The following GPC3 variants were observed in gnomAD, a reference collection of about 807,000 sequenced individuals.
GPC3 encodes the protein glypican-3.
A neutral mutation model predicts 34.4 loss-of-function variants in GPC3; 3 were observed. That is an observed-to-expected ratio of 0.09 (90% confidence interval 0.04 to 0.23). The LOEUF (loss-of-function observed/expected upper bound fraction) is 0.23. Ranked by LOEUF, GPC3 falls within the 10% of genes least tolerant of loss-of-function variation. The pLI is 1.00. For missense variants in GPC3, 351 were observed against 445.6 expected (o/e 0.79, Z 1.91); for synonymous variants, 177 against 174.0 (o/e 1.02, Z -0.13).
At chrX:133,551,196 G>A (rs2069430558) in intron 7 of GPC3, among the ~76,000 whole-genome samples, 1 of 104,924 alleles carries the variant, frequency 9.5e-6, no homozygotes, top group Non-Finnish European at 2.0e-5. Flanking sequence ...CAAGTGCAGG[G>A]ACTGCTGGTG....
At chrX:133,870,378 T>G (rs901306788) in intron 2 of GPC3, among the ~76,000 whole-genome samples, 1 of 111,908 alleles carries the variant, frequency 8.9e-6, no homozygotes, top group Non-Finnish European at 1.9e-5. Flanking sequence ...CAACTGTTAC[T>G]GGAGAAAGTA....
intron 3 of GPC3, among the ~76,000 whole-genome samples, chrX:133,700,970 A>G (rs2071162557): frequency 8.9e-6 from 1 of 111,764 alleles, no homozygotes; most frequent in Non-Finnish European, 1.9e-5. Flanking sequence ...TTAAAAACAT[A>G]GGTGCTCAAC....
At chrX:133,563,428 T>A (rs1394269926) in intron 7 of GPC3, among the ~76,000 whole-genome samples, 1 of 112,095 alleles carries the variant, frequency 8.9e-6, no homozygotes, top group Non-Finnish European at 1.9e-5. Flanking sequence ...TGTGTCAAGA[T>A]AGTTATACTG....
intron 2 of GPC3, among the ~76,000 whole-genome samples, chrX:133,756,871 T>TA (rs1168014239): frequency 8.9e-6 from 1 of 112,145 alleles, no homozygotes; most frequent in Non-Finnish European, 1.9e-5. Flanking sequence ...AACCAAGCCA[T>TA]AACTGGTCAA....
intron 4 of GPC3, among the ~76,000 whole-genome samples, chrX:133,695,947 T>C (rs779030457): frequency 8.5e-4 from 95 of 111,965 alleles, no homozygotes; most frequent in African/African-American, 3.0e-3. Flanking sequence ...TAGTGTGTAT[T>C]ATCTCCATTA....
chrX:133,950,796 G>C (rs1193871123), intron 2 of GPC3, among the ~76,000 whole-genome samples: 2 of 111,354 alleles, frequency 1.8e-5, no homozygotes, highest in Non-Finnish European at 3.8e-5. Context: ...AAGGATTTAG[G>C]GGCAATGTCT....
intron 4 of GPC3, 149 bp from the exon 5 acceptor site, chrX:133,692,643 C>T (rs2071075955): frequency 2.0e-6 from 1 of 499,490 alleles, no homozygotes; most frequent in African/African-American, 2.4e-5. Context: ...TACAAGGCCA[C>T]AGTTTAGTTT....
intron 2 of GPC3, among the ~76,000 whole-genome samples, chrX:133,911,950 G>A (rs2076202288): frequency 8.9e-6 from 1 of 111,863 alleles, no homozygotes; most frequent in Non-Finnish European, 1.9e-5. Context: ...AGGCAAATAT[G>A]CCACACAGAA....
intron 7 of GPC3, among the ~76,000 whole-genome samples, chrX:133,551,765 C>T (rs2069435639): frequency 9.0e-6 from 1 of 111,683 alleles, no homozygotes; most frequent in East Asian, 2.8e-4. Flanking sequence ...CTCCTCTCAG[C>T]ACTTCTGCCT....
chrX:133,679,403 T>C lies in GPC3; in HGVS notation c.1292+12966A>G, dbSNP rs777106798. On this transcript the variant is annotated intron_variant, in intron 5 of 7. Coordinates refer to ENST00000370818, the MANE Select transcript of GPC3 (RefSeq NM_004484.4). ...TCTTATTGGAGGCTCACAGCAACCCTTTGAGGTAGGCAGGGGAGGTATTAA... is the reference window on the plus strand; with the variant it reads ...TCTTATTGGAGGCTCACAGCAACCCCTTGAGGTAGGCAGGGGAGGTATTAA... Among the ~76,000 whole-genome samples, 15 of 111,292 alleles carry C rather than the reference T, an allele frequency of 1.3e-4. No individual in the cohort carries two copies. In the Admixed American group the frequency reaches 1.4e-3, roughly 10 times the overall value.
chrX:133,942,346 T>G lies in GPC3; in HGVS notation c.337+10704A>C, dbSNP rs950406797. On this transcript the variant is annotated intron_variant, in intron 2 of 7. Coordinates refer to ENST00000370818, the MANE Select transcript of GPC3 (RefSeq NM_004484.4). ...AATATTTAATTACACGGACATTATT[T>G]AGTTCACTGTGGCTTACTGAAAGCA... is the stretch of plus-strand genomic sequence containing the variant. Among the ~76,000 whole-genome samples the G allele has an allele frequency of 3.6e-5, 4 of 111,967 alleles. No homozygotes were observed. The Admixed American group carries it at 3.8e-4, about 11-fold the overall frequency.
chrX:133,732,481 A>G (rs1657502241), intron 3 of GPC3, among the ~76,000 whole-genome samples: 1 of 111,741 alleles, frequency 8.9e-6, no homozygotes, highest in Admixed American at 9.5e-5. Flanking sequence ...AGGAAACTGA[A>G]GAATTGGATG....
In GPC3 at chrX:133,953,142, T is replaced by C. The variant is rs1459240482; in HGVS notation, c.245A>G (p.Gln82Arg). 1 of 1,207,042 alleles carries C rather than the reference T, an allele frequency of 8.3e-7. No homozygotes were observed. The highest frequency in any genetic ancestry group is 2.2e-5 in the Admixed American group (1 of 45,927). The change falls in exon 2 of 8, where the codon CAA becomes CGA. Residue 82 changes from glutamine to arginine, a missense_variant. Coordinates refer to ENST00000370818, the MANE Select transcript of GPC3 (RefSeq NM_004484.4). ...TTCCATGTTCAATCGTGCTGTTAGT[T>C]GGTATTTTTCTTCCATCTTTCTTGA... is the stretch of plus-strand genomic sequence containing the variant. The part of the protein sequence containing the change: ...CCSRKMEEKY[Q>R]LTARLNMEQL...
chrX:133,537,548 G>A (rs1227781117), intron 7 of GPC3, among the ~76,000 whole-genome samples: 1 of 111,568 alleles, frequency 9.0e-6, no homozygotes, highest in Non-Finnish European at 1.9e-5. Context: ...CACTGGTTAG[G>A]GCAGGCAGCA....
intron 3 of GPC3, among the ~76,000 whole-genome samples, chrX:133,701,017 T>A (rs761549845): frequency 1.2e-3 from 129 of 111,790 alleles, no homozygotes; most frequent in African/African-American, 4.1e-3. Flanking sequence ...TCTCCTTCTT[T>A]CCTCCCTTTC....
chrX:133,972,841 G>A (rs1027728963), intron 1 of GPC3, among the ~76,000 whole-genome samples: 2 of 111,497 alleles, frequency 1.8e-5, no homozygotes, highest in Non-Finnish European at 3.8e-5. Context: ...TTGTGTGGAT[G>A]GGAAAAGAAA....
chrX:133,728,395 G>C (rs2071432953), intron 3 of GPC3, among the ~76,000 whole-genome samples: 1 of 111,851 alleles, frequency 8.9e-6, no homozygotes, highest in African/African-American at 3.3e-5. Flanking sequence ...AGGAAAGAAG[G>C]AGAAGATGAA....
At chrX:133,778,872 C>T (rs1364764685) in intron 2 of GPC3, among the ~76,000 whole-genome samples, 1 of 111,995 alleles carries the variant, frequency 8.9e-6, no homozygotes, top group East Asian at 2.8e-4. Context: ...TTTAGATTAT[C>T]GCACAACACT....
At chrX:133,782,608 C>T (rs753396389) in intron 2 of GPC3, among the ~76,000 whole-genome samples, 1 of 111,642 alleles carries the variant, frequency 9.0e-6, no homozygotes, top group Admixed American at 9.5e-5. Context: ...GTTCCTAGCA[C>T]CTTACTATAA....
Sources: allele counts gnomAD v4.1 joint callset (sites outside exome capture counted in the v4.1 genomes callset), GRCh38; gene constraint gnomAD v4.1.1; transcripts MANE v1.5; gene names NCBI Gene and HGNC (gene_info 2026-07-23, HGNC 2026-07-21).